The following RMDN2 variants were observed in gnomAD, a reference collection of about 807,000 sequenced individuals.
RMDN2 encodes regulator of microtubule dynamics 2.
Under a neutral mutation model 52.8 loss-of-function variants are expected in RMDN2, and 61 were observed. That is an observed-to-expected ratio of 1.16 (90% CI 0.94 to 1.43). The LOEUF is 1.43. Ranked by LOEUF, RMDN2 falls within the 40% of genes most tolerant of loss-of-function variation. The pLI is 0.00. For synonymous variants in RMDN2, 180 were observed against 153.1 expected, an observed-to-expected ratio of 1.18 and a Z score of -1.30; for missense variants, 592 against 475.3, an observed-to-expected ratio of 1.25 and a Z score of -2.28.
chr2:37,988,457 G>T lies in RMDN2; in HGVS notation c.792-1084G>T, dbSNP rs116654017. The stretch of plus-strand genomic sequence containing the variant: ...AGATTCTGTTGATTATACAGAAACT[G>T]AAAACAGAGATCAAAAAGGTCATAA... On this transcript the variant is annotated intron_variant, in intron 5 of 10. Coordinates refer to ENST00000354545, the MANE Select transcript of RMDN2 (RefSeq NM_001170791.3). Among the ~76,000 whole-genome samples, 1,468 of 152,232 alleles carry T rather than the reference G, an allele frequency of 9.6e-3. 26 individuals carry two copies. Among genetic ancestry groups the T allele is most frequent in the African/African-American group, 0.033 (1,387 of 41,548 alleles).
chr2:38,055,348 C>G (rs546517969), intron 10 of RMDN2, among the ~76,000 whole-genome samples: 75 of 152,162 alleles, frequency 4.9e-4, no homozygotes, highest in Non-Finnish European at 6.5e-4. Context: ...GCCTTTGCAG[C>G]CTGCCTCAAC....
intron 2 of RMDN2, among the ~76,000 whole-genome samples, chr2:37,942,873 A>T (rs1479573509): frequency 2.0e-5 from 3 of 152,232 alleles, no homozygotes; most frequent in African/African-American, 7.2e-5. Context: ...TTAAAAGAAA[A>T]TCTAGCAAGA....
chr2:37,973,968 C>G (rs546309665), intron 2 of RMDN2, 72 bp from the exon 3 acceptor site: 2 of 1,231,090 alleles, frequency 1.6e-6, no homozygotes, highest in Admixed American at 4.2e-5. Flanking sequence ...ATTTGACTTG[C>G]ATTTTAAAAG....
chr2:37,926,107 G>C (rs1362830490), intron 1 of RMDN2, among the ~76,000 whole-genome samples: 1 of 152,100 alleles, frequency 6.6e-6, no homozygotes, highest in Non-Finnish European at 1.5e-5. Flanking sequence ...CTTAAACCTC[G>C]GGCTTTTTTG....
At chr2:37,996,505 G>A (rs903179500) in intron 7 of RMDN2, among the ~76,000 whole-genome samples, 1 of 149,746 alleles carries the variant, frequency 6.7e-6, no homozygotes, top group African/African-American at 2.5e-5. Flanking sequence ...GGATTGTTGA[G>A]CCCAGGAGGT....
At chr2:38,015,070 A>G (rs1057428675) in intron 10 of RMDN2, among the ~76,000 whole-genome samples, 2 of 152,240 alleles carry the variant, frequency 1.3e-5, no homozygotes, top group Non-Finnish European at 2.9e-5. Flanking sequence ...CTCATTAAAA[A>G]TACAGGTTCC....
At position 37,991,258 on chromosome 2, in the gene RMDN2, A is replaced by G; in HGVS notation, c.906A>G (p.Glu302=). ...TAGCAATCAAACTTTTACCAGAGGAACCCTTTCTATATTACCTCAAAGGGA... is the reference window on the plus strand; with the variant it reads ...TAGCAATCAAACTTTTACCAGAGGAGCCCTTTCTATATTACCTCAAAGGGA... ...LDIAIKLLPE[E]PFLYYLKGRY... The change falls in exon 7 of 11, where the codon GAA becomes GAG. Residue 302 remains glutamate (E), a synonymous_variant. Transcript: ENST00000354545. 5 of 1,590,950 alleles carry G rather than the reference A, an allele frequency of 3.1e-6. No homozygotes were observed. Among genetic ancestry groups the G allele is most frequent in the Non-Finnish European group, 4.3e-6 (5 of 1,167,676 alleles).
At chr2:38,066,934 T>C in intron 10 of RMDN2, 1 of 1,608,086 alleles carries the variant, frequency 6.2e-7, no homozygotes, top group East Asian at 2.2e-5. Context: ...AAAGTTTCAA[T>C]GCCATTTTGT....
intron 2 of RMDN2, among the ~76,000 whole-genome samples, chr2:37,962,074 A>G (rs1670311339): frequency 1.3e-5 from 2 of 152,214 alleles, no homozygotes; most frequent in South Asian, 4.1e-4. Context: ...GCTTTGTCCC[A>G]GAGGGCCACC....
intron 5 of RMDN2, among the ~76,000 whole-genome samples, chr2:37,989,057 T>C (rs909207404): frequency 6.6e-6 from 1 of 152,190 alleles, no homozygotes; most frequent in African/African-American, 2.4e-5. Context: ...TTTATTGGTA[T>C]TAAAGGAGCT....
chr2:37,983,789 GAATT>G (rs1398117266), intron 5 of RMDN2, among the ~76,000 whole-genome samples: 2 of 152,108 alleles, frequency 1.3e-5, no homozygotes, highest in Non-Finnish European at 2.9e-5. Flanking sequence ...TGTTAAAACT[GAATT>G]AAGGCTGAAT....
chr2:37,977,201 A>AT (rs1426648933), intron 4 of RMDN2, among the ~76,000 whole-genome samples: 3 of 152,236 alleles, frequency 2.0e-5, no homozygotes, highest in Non-Finnish European at 2.9e-5. Flanking sequence ...AGGCAGAAGA[A>AT]TTTTTTAGTA....
intron 2 of RMDN2, chr2:37,963,050 A>T (rs1010108447): frequency 1.3e-5 from 2 of 153,066 alleles, no homozygotes; most frequent in Non-Finnish European, 2.9e-5. Context: ...ACCAGTCCCA[A>T]TGAGATGAAC....
intron 2 of RMDN2, among the ~76,000 whole-genome samples, chr2:37,963,661 A>T (rs925606228): frequency 2.6e-5 from 4 of 152,236 alleles, no homozygotes; most frequent in African/African-American, 9.6e-5. Context: ...CAGCATCCCA[A>T]GGCAGAAGAA....
At chr2:37,982,972 A>G (rs1673527546) in intron 5 of RMDN2, among the ~76,000 whole-genome samples, 1 of 152,112 alleles carries the variant, frequency 6.6e-6, no homozygotes, top group Non-Finnish European at 1.5e-5. Context: ...TAGCCTAATT[A>G]GGATGCAGAA....
chr2:38,002,980 A>C (rs557904329), intron 8 of RMDN2: 1 of 152,362 alleles, frequency 6.6e-6, no homozygotes, highest in Admixed American at 6.5e-5. Flanking sequence ...GTCTAGTGAC[A>C]ATACCATACC....
intron 2 of RMDN2, among the ~76,000 whole-genome samples, chr2:37,972,515 T>C (rs1671940571): frequency 6.6e-6 from 1 of 152,202 alleles, no homozygotes; most frequent in Non-Finnish European, 1.5e-5. Context: ...ATGTTAGGCC[T>C]TGTAGACCCC....
At chr2:37,925,960 A>G (rs573596521) in intron 1 of RMDN2, among the ~76,000 whole-genome samples, 54 of 152,376 alleles carry the variant, frequency 3.5e-4, no homozygotes, top group Non-Finnish European at 6.5e-4. Flanking sequence ...AATTTAAAAT[A>G]AATTATAAAA....
In RMDN2 at chr2:37,941,147, G is replaced by A. The variant is rs536851974; in HGVS notation, c.452+11418G>A. On this transcript the variant is annotated intron_variant, in intron 2 of 10. Transcript: ENST00000354545. ...TGTTAGTTTTCCTTCTAACAGTCAG[G>A]CCCCTCTTCTGCAGGTCTGCTGGAG... 3.3e-5 allele frequency among the ~76,000 whole-genome samples: 5 copies of A among 152,246 alleles called. No individual in the cohort carries two copies. In the South Asian group the frequency reaches 1.0e-3, roughly 32 times the overall value.
Sources: gnomAD v4.1 joint callset for allele counts (sites outside exome capture counted in the v4.1 genomes callset) on GRCh38, gnomAD v4.1.1 for gene constraint, MANE v1.5 for transcripts, NCBI Gene and HGNC (gene_info 2026-07-23, HGNC 2026-07-21) for gene names.